The following MAPKAPK2 variants were observed in gnomAD, a reference collection of about 807,000 sequenced individuals.
The protein encoded by MAPKAPK2 is MAP kinase-activated protein kinase 2.
A neutral mutation model predicts 48.8 loss-of-function variants in MAPKAPK2; 9 were observed. The observed-to-expected ratio is 0.18, with a 90% CI of 0.11 to 0.32. The LOEUF (loss-of-function observed/expected upper bound fraction) is 0.32. Ranked by LOEUF, MAPKAPK2 falls within the 10% of genes least tolerant of loss-of-function variation. MAPKAPK2 has a pLI of 1.00. For missense variants in MAPKAPK2, 331 were observed against 498.3 expected (o/e 0.66, Z 3.20); for synonymous variants, 202 against 190.6 (o/e 1.06, Z -0.49).
At chr1:206,692,282 G>A (rs1014948486) in intron 1 of MAPKAPK2, among the ~76,000 whole-genome samples, 7 of 152,190 alleles carry the variant, frequency 4.6e-5, no homozygotes, top group African/African-American at 1.7e-4. Flanking sequence ...TTGTTCTTAG[G>A]TTAGAGTTGG....
At chr1:206,690,205 G>C (rs1311949575) in intron 1 of MAPKAPK2, among the ~76,000 whole-genome samples, 4 of 152,236 alleles carry the variant, frequency 2.6e-5, no homozygotes, top group Non-Finnish European at 5.9e-5. Flanking sequence ...TGGGCTTACA[G>C]AATTATGAGG....
intron 1 of MAPKAPK2, among the ~76,000 whole-genome samples, chr1:206,687,409 T>C (rs1423980726): frequency 6.6e-6 from 1 of 152,208 alleles, no homozygotes; most frequent in Non-Finnish European, 1.5e-5. Context: ...TTTATCCCTC[T>C]CAGGTTAGAA....
intron 1 of MAPKAPK2, among the ~76,000 whole-genome samples, chr1:206,703,375 G>C (rs944001339): frequency 9.9e-5 from 15 of 152,234 alleles, no homozygotes; most frequent in Admixed American, 9.8e-4. Flanking sequence ...CTCTAGCCTT[G>C]AGAAGAGTTC....
chr1:206,729,192 G>C (rs2102414580), intron 3 of MAPKAPK2, 93 bp downstream of exon 3: 1 of 1,330,584 alleles, frequency 7.5e-7, no homozygotes, highest in East Asian at 2.3e-5. Context: ...GGGGAAGGGT[G>C]CTGAGGCTGC....
At chr1:206,724,790 G>A (rs1553431698) in intron 1 of MAPKAPK2, among the ~76,000 whole-genome samples, 1 of 152,020 alleles carries the variant, frequency 6.6e-6, no homozygotes, top group African/African-American at 2.4e-5. Context: ...CTAACCACTA[G>A]GTGAGGGAAG....
At chr1:206,714,357 C>T (rs1673253502) in intron 1 of MAPKAPK2, among the ~76,000 whole-genome samples, 1 of 152,070 alleles carries the variant, frequency 6.6e-6, no homozygotes, top group South Asian at 2.1e-4. Context: ...TTGCTGTGGC[C>T]TCTTAAGCGA....
At chr1:206,689,822 T>C (rs782813499) in intron 1 of MAPKAPK2, among the ~76,000 whole-genome samples, 7 of 152,254 alleles carry the variant, frequency 4.6e-5, no homozygotes, top group Admixed American at 6.5e-5. Context: ...ATGTGGCTAA[T>C]GGCTATCGAA....
chr1:206,729,211 C>T (rs577972159), intron 3 of MAPKAPK2, 112 bp downstream of exon 3: 7 of 1,241,948 alleles, frequency 5.6e-6, no homozygotes, highest in Middle Eastern at 2.1e-4. Context: ...GCTGCCCCCT[C>T]CAGCATGCTG....
At position 206,732,784 on chromosome 1, in the gene MAPKAPK2, C is replaced by A; in HGVS notation, c.*66C>A. The A allele has an allele frequency of 6.4e-7, 1 of 1,570,888 alleles. No homozygotes were observed. The highest frequency in any genetic ancestry group is 8.7e-7 in the Non-Finnish European group (1 of 1,150,212). ...TCTCTACAGGAATATATTTTTTAAACGAAGAGACAGAACTGTCCACATCTG... is the reference window on the plus strand; with the variant it reads ...TCTCTACAGGAATATATTTTTTAAAAGAAGAGACAGAACTGTCCACATCTG... On this transcript the variant is annotated 3_prime_UTR_variant, in exon 10 of 10. Coordinates refer to ENST00000367103, the MANE Select transcript of MAPKAPK2 (RefSeq NM_032960.4). The surrounding 1 kb of genome is among the most constrained non-coding windows in gnomAD (Gnocchi z 4.4).
chr1:206,692,148 G>A (rs1672481860), intron 1 of MAPKAPK2, among the ~76,000 whole-genome samples: 1 of 152,214 alleles, frequency 6.6e-6, no homozygotes, highest in African/African-American at 2.4e-5. Context: ...GGATCTGGTT[G>A]AGGAGCTAAG....
intron 1 of MAPKAPK2, among the ~76,000 whole-genome samples, chr1:206,711,280 C>T (rs1413773609): frequency 6.6e-6 from 1 of 152,196 alleles, no homozygotes; most frequent in Non-Finnish European, 1.5e-5. Context: ...GAGACACCAT[C>T]TCTCTGTCGC....
chr1:206,712,967 C>CACACACACACACACACAT (rs1673204758), intron 1 of MAPKAPK2, among the ~76,000 whole-genome samples: 2 of 140,782 alleles, frequency 1.4e-5, no homozygotes, highest in African/African-American at 2.5e-5. Flanking sequence ...CTCCATCACA[C>CACACACACACACACACAT]ACACACACAC....
intron 1 of MAPKAPK2, among the ~76,000 whole-genome samples, chr1:206,691,764 G>A (rs1553426332): frequency 6.6e-6 from 1 of 152,018 alleles, no homozygotes; most frequent in African/African-American, 2.4e-5. Flanking sequence ...AGGGCAGGCA[G>A]GATAGCTTGC....
In MAPKAPK2 at chr1:206,731,341, T is replaced by C. The variant is rs1248337199; in HGVS notation, c.892+79T>C. The C allele has an allele frequency of 2.5e-6, 4 of 1,587,694 alleles. No homozygotes were observed. The South Asian group carries it at 4.5e-5, about 18-fold the overall frequency. On this transcript the variant is annotated intron_variant, in intron 7 of 9. Coordinates refer to ENST00000367103, the MANE Select transcript of MAPKAPK2 (RefSeq NM_032960.4). This position sits in a 1 kb window ranked among gnomAD's most constrained non-coding sequence, Gnocchi z 5.9. ...GTGTATGTGTGTACACGCAGACACA[T>C]GTATGGGCCTCCATCTCATGTGCGT...
At chr1:206,694,229 T>C (rs575978009) in intron 1 of MAPKAPK2, among the ~76,000 whole-genome samples, 2 of 152,230 alleles carry the variant, frequency 1.3e-5, no homozygotes, top group East Asian at 3.9e-4. Context: ...GAATTATGGT[T>C]TATTTGGGGG....
rs1424297313 is a variant in MAPKAPK2, at chr1:206,691,504, T to TATATATATATAC, written c.279+5997_279+5998insTATATATATACA. 2.0e-3 allele frequency among the ~76,000 whole-genome samples: 229 copies of TATATATATATAC among 111,910 alleles called. 3 individuals carry two copies. Among genetic ancestry groups the TATATATATATAC allele is most frequent in the African/African-American group, 4.6e-3 (149 of 32,596 alleles). The allele number at this position is 111,910 out of a possible 152,430, so 73.4% of individuals were successfully genotyped here. On this transcript the variant is annotated intron_variant, in intron 1 of 9. Transcript: ENST00000367103. Reference sequence around the variant, plus strand: ...TAAGATATATATATATATATATATATACACACATACACAGATATAGATATG... The same window carrying TATATATATATAC: ...TAAGATATATATATATATATATATATATATATATATACACACACATACACAGATATAGATATG...
In MAPKAPK2 at chr1:206,733,972, A is replaced by G. The variant is rs1260191884; in HGVS notation, c.*1254A>G. 1 of 152,834 alleles carries G rather than the reference A, an allele frequency of 6.5e-6. No individual in the cohort carries two copies. Among genetic ancestry groups the G allele is most frequent in the African/African-American group, 2.4e-5 (1 of 41,462 alleles). The allele number at this position is 152,834 out of a possible 1,614,324, so 9.5% of individuals were successfully genotyped here. ...TCAGCCATTTGCCATCACCCCAAAC[A>G]ACTCAGCTTCGGGGCCGGTGAGGGG... On this transcript the variant is annotated 3_prime_UTR_variant, in exon 10 of 10. Transcript: ENST00000367103.
intron 1 of MAPKAPK2, 74 bp downstream of exon 1, chr1:206,685,582 C>T (rs1356914872): frequency 7.8e-7 from 1 of 1,279,896 alleles, no homozygotes; most frequent in Non-Finnish European, 1.0e-6. Context: ...GGGTGCCCGT[C>T]CCGGCCTGGG....
At chr1:206,707,939 A>T (rs782701109) in intron 1 of MAPKAPK2, among the ~76,000 whole-genome samples, 2 of 151,978 alleles carry the variant, frequency 1.3e-5, no homozygotes, top group African/African-American at 2.4e-5. Context: ...ATTCCTGTCT[A>T]AAAAAAATGG....
Sources: gnomAD v4.1 joint callset for allele counts (sites outside exome capture counted in the v4.1 genomes callset) on GRCh38, gnomAD v4.1.1 for gene constraint, Gnocchi (gnomAD v3.1) non-coding constraint, MANE v1.5 for transcripts, NCBI Gene and HGNC (gene_info 2026-07-23, HGNC 2026-07-21) for gene names.